The following ZNF8 variants were observed in gnomAD, a reference collection of about 807,000 sequenced individuals.
ZNF8 encodes zinc finger protein 8.
A neutral mutation model predicts 12.2 loss-of-function variants in ZNF8; 9 were observed. The observed-to-expected ratio is 0.73, with a 90% CI of 0.44 to 1.28. The LOEUF is 1.28. ZNF8 is among the 50% of genes most tolerant of loss of function. The probability of loss-of-function intolerance (pLI) is 0.00; values close to 1 mark genes in which losing one functional copy is unlikely to be tolerated. For missense variants in ZNF8, 664 were observed against 729.1 expected, an observed-to-expected ratio of 0.91 and a Z score of 1.03; for synonymous variants, 274 against 282.3, an observed-to-expected ratio of 0.97 and a Z score of 0.30.
At chr19:58,281,906 A>T (rs2051352552) in intron 1 of ZNF8, among the ~76,000 whole-genome samples, 2 of 152,180 alleles carry the variant, frequency 1.3e-5, no homozygotes, top group African/African-American at 4.8e-5. Context: ...TCAGGTTAGG[A>T]GTTCAAGACC....
chr19:58,287,864 C>G (rs1463979673), intron 3 of ZNF8, among the ~76,000 whole-genome samples: 5 of 72,582 alleles, frequency 6.9e-5, no homozygotes, highest in Non-Finnish European at 1.2e-4. Context: ...TTTCTTTCTT[C>G]CTTTTTTTTT....
At chr19:58,291,694 C>T (rs190935303) in intron 3 of ZNF8, among the ~76,000 whole-genome samples, 1 of 152,248 alleles carries the variant, frequency 6.6e-6, no homozygotes, top group East Asian at 1.9e-4. Context: ...CAGTGCCAGG[C>T]AGTGATGAGG....
rs117034981 is a variant in ZNF8, at chr19:58,279,409, G to T, written c.66+262G>T. Reference sequence around the variant, plus strand: ...CCCAGGGCTGGGGTCGGTCATTCCCGAGAGAATCGAGCAGGCCCATCTCCT... The same window carrying T: ...CCCAGGGCTGGGGTCGGTCATTCCCTAGAGAATCGAGCAGGCCCATCTCCT... On this transcript the variant is annotated intron_variant, in intron 1 of 3. Transcript: ENST00000621650. 14 of 1,444,342 alleles carry T rather than the reference G, an allele frequency of 9.7e-6. No homozygotes were observed. The East Asian group carries it at 3.2e-4, about 34-fold the overall frequency. The allele number at this position is 1,444,342 out of a possible 1,614,324, so 89.5% of individuals were successfully genotyped here.
At position 58,295,362 on chromosome 19, in the gene ZNF8, G is replaced by A. The variant is rs773219073; in HGVS notation, c.1554G>A (p.Pro518=). The A allele has an allele frequency of 4.3e-6, 7 of 1,614,130 alleles. No homozygotes were observed. The highest frequency in any genetic ancestry group is 1.7e-5 in the Admixed American group (1 of 60,024). ...CACACCTGGTTCAGCATCAACACCC[G>A]AACTCCAGAAAGAGCTCTGCAGGCG... is the stretch of plus-strand genomic sequence containing the variant. ...RNSHLVQHQH[P]NSRKSSAGGA... Residue 518 remains proline, a synonymous_variant, in exon 4 of 4, where the codon CCG becomes CCA. Transcript: ENST00000621650.
In ZNF8 at chr19:58,283,845, C is replaced by T. The variant is rs189835855; in HGVS notation, c.67-1872C>T. On this transcript the variant is annotated intron_variant, in intron 1 of 3. Coordinates refer to ENST00000621650, the MANE Select transcript of ZNF8 (RefSeq NM_021089.3). ...CGATCTCCTGACCTCGTGATCTGCC[C>T]GCCTCGGCCTCCCAAAGTGCTGGGA... is the stretch of plus-strand genomic sequence containing the variant. 8.6e-5 allele frequency among the ~76,000 whole-genome samples: 13 copies of T among 151,850 alleles called. No homozygotes were observed. The East Asian group carries it at 1.2e-3, about 14-fold the overall frequency.
At chr19:58,288,432 A>G (rs1046995141) in intron 3 of ZNF8, among the ~76,000 whole-genome samples, 1 of 152,096 alleles carries the variant, frequency 6.6e-6, no homozygotes, top group Non-Finnish European at 1.5e-5. Flanking sequence ...TCCATGCAGG[A>G]AGGAGGGGAA....
At position 58,294,233 on chromosome 19, in the gene ZNF8, A is replaced by G. The variant is rs985608858; in HGVS notation, c.425A>G (p.Glu142Gly). Residue 142 changes from glutamate to glycine, a missense_variant, in exon 4 of 4, where the codon GAG becomes GGG. By Grantham distance (98) the Glu-to-Gly change is moderately conservative (BLOSUM62 -2). This residue lies in a region of ZNF8 where 306 missense variants were observed against 308.7 expected (regional missense o/e 0.99). Coordinates refer to ENST00000621650, the MANE Select transcript of ZNF8 (RefSeq NM_021089.3). This position sits in a 1 kb window ranked among gnomAD's most constrained non-coding sequence, Gnocchi z 5.5. ...PYPTTLGKDRECQSQSLALKE... is the reference protein window; with the variant it reads ...PYPTTLGKDRGCQSQSLALKE... ...CCCACCACGTTAGGGAAAGACAGGG[A>G]GTGTCAGAGCCAGAGTCTGGCACTC... 6.2e-6 allele frequency: 10 copies of G among 1,614,050 alleles called. No individual in the cohort carries two copies. The African/African-American group carries it at 1.2e-4, about 19-fold the overall frequency.
chr19:58,293,535 G>T (rs1286093378), intron 3 of ZNF8, among the ~76,000 whole-genome samples: 2 of 152,204 alleles, frequency 1.3e-5, no homozygotes, highest in African/African-American at 4.8e-5. Flanking sequence ...AAAGCGGGAA[G>T]CCTGGCTTAT....
At position 58,294,077 on chromosome 19, in the gene ZNF8, G is replaced by A. The variant is rs757544717; in HGVS notation, c.290-21G>A. ...CGTTTTTTTCTCCCAACAGCTCAGA[G>A]ATCTTTGGGTTTTCTTTCAGCCTGG... On this transcript the variant is annotated intron_variant, in intron 3 of 3. Transcript: ENST00000621650. The surrounding 1 kb of genome is among the most constrained non-coding windows in gnomAD (Gnocchi z 5.5). The A allele has an allele frequency of 1.6e-5, 26 of 1,581,242 alleles. No homozygotes were observed. The highest frequency in any genetic ancestry group is 2.1e-5 in the Non-Finnish European group (24 of 1,160,594).
Position 58,279,160 on chromosome 19 carries a change from A to G in ZNF8, c.66+13A>G. 3 of 1,557,660 alleles carry G rather than the reference A, an allele frequency of 1.9e-6. No homozygotes were observed. The highest frequency in any genetic ancestry group is 2.6e-6 in the Non-Finnish European group (3 of 1,152,294). On this transcript the variant is annotated intron_variant, in intron 1 of 3. Coordinates refer to ENST00000621650, the MANE Select transcript of ZNF8 (RefSeq NM_021089.3). ...GGCCCGGCTTCAGGTAACAATAACA[A>G]CAATAACGACGGCGGCGGGCTCCGG... is the stretch of plus-strand genomic sequence containing the variant.
intron 1 of ZNF8, among the ~76,000 whole-genome samples, chr19:58,283,727 G>A (rs1054027725): frequency 6.7e-6 from 1 of 149,364 alleles, no homozygotes; most frequent in Non-Finnish European, 1.5e-5. Context: ...AGCCTCCCAT[G>A]TAGCTGGAAC....
intron 2 of ZNF8, 90 bp downstream of exon 2, chr19:58,285,933 C>T: frequency 6.6e-7 from 1 of 1,516,644 alleles, no homozygotes; most frequent in Non-Finnish European, 8.9e-7. Flanking sequence ...CTTGGGTCCT[C>T]ACTCCCTATG....
rs150160712 is a variant in ZNF8, at chr19:58,294,504, T to C, written c.696T>C (p.Ser232=). 2.5e-6 allele frequency: 4 copies of C among 1,614,062 alleles called. No homozygotes were observed. The African/African-American group carries it at 5.3e-5, about 22-fold the overall frequency. ...GSPGKQPGEN[S]DCHRDSSQAI... is the part of the protein sequence containing the mutation. ...CAGGAAAACAGCCCGGTGAAAACAG[T>C]GACTGTCACAGAGATTCCAGTCAGG... The change falls in exon 4 of 4, where the codon AGT becomes AGC. Residue 232 remains serine, a synonymous_variant. Transcript: ENST00000621650. This position sits in a 1 kb window ranked among gnomAD's most constrained non-coding sequence, Gnocchi z 5.5.
In ZNF8 at chr19:58,300,354, C is replaced by T. The variant is rs934288874; in HGVS notation, c.*4818C>T. 5 of 152,230 alleles carry T rather than the reference C, an allele frequency of 3.3e-5. No individual in the cohort carries two copies. Among genetic ancestry groups the T allele is most frequent in the African/African-American group, 9.7e-5 (4 of 41,444 alleles). The allele number at this position is 152,230 out of a possible 1,614,324, so 9.4% of individuals were successfully genotyped here. On this transcript the variant is annotated 3_prime_UTR_variant, in exon 4 of 4. Transcript: ENST00000621650. ...TTCCATTGTGGTCATGAGGAGACTC[C>T]TATGGCTCCAGCCATTGCATCCACA...
At chr19:58,280,030 T>G in intron 1 of ZNF8, 1 of 429,276 alleles carries the variant, frequency 2.3e-6, no homozygotes, top group Non-Finnish European at 4.0e-6. Context: ...TTTATTTTGT[T>G]CTTGCTGTGG....
intron 1 of ZNF8, chr19:58,279,567 C>A: frequency 6.5e-7 from 1 of 1,529,866 alleles, no homozygotes; most frequent in Admixed American, 2.0e-5. Flanking sequence ...TGCTTTAACG[C>A]GTGGAGTCAG....
intron 1 of ZNF8, among the ~76,000 whole-genome samples, chr19:58,284,646 C>T (rs1319421731): frequency 1.3e-5 from 2 of 152,108 alleles, no homozygotes; most frequent in African/African-American, 2.4e-5. Context: ...GCTAGGGGTT[C>T]GAGACCAACC....
intron 1 of ZNF8, chr19:58,279,515 C>A: frequency 6.7e-7 from 1 of 1,494,500 alleles, no homozygotes; most frequent in Non-Finnish European, 8.9e-7. Context: ...GTAATTGTAG[C>A]GTTGGCCGGG....
In ZNF8 at chr19:58,301,997, G is replaced by A. The variant is rs2051493977; in HGVS notation, c.*6461G>A. On this transcript the variant is annotated 3_prime_UTR_variant, in exon 4 of 4. Coordinates refer to ENST00000621650, the MANE Select transcript of ZNF8 (RefSeq NM_021089.3). ...TGGGGAACTGGCTAAGTCATTTATGGTGGAATGGTGATCATAAAAATTCAT... is the reference window on the plus strand; with the variant it reads ...TGGGGAACTGGCTAAGTCATTTATGATGGAATGGTGATCATAAAAATTCAT... 1.3e-5 allele frequency: 2 copies of A among 152,266 alleles called. No individual in the cohort carries two copies. Among genetic ancestry groups the A allele is most frequent in the South Asian group, 2.1e-4 (1 of 4,818 alleles). The allele number at this position is 152,266 out of a possible 1,614,324, so 9.4% of individuals were successfully genotyped here.
Sources: gnomAD v4.1 joint callset for allele counts (sites outside exome capture counted in the v4.1 genomes callset) on GRCh38, gnomAD v4.1.1 for gene constraint, gnomAD v4.1.1 regional missense constraint, Gnocchi (gnomAD v3.1) non-coding constraint, MANE v1.5 for transcripts, NCBI Gene and HGNC (gene_info 2026-07-23, HGNC 2026-07-21) for gene names.